The following PLAA variants were observed in gnomAD, a reference collection of about 807,000 sequenced individuals.
PLAA encodes phospholipase A-2-activating protein.
PLAA carries 48 observed loss-of-function variants against 84.1 expected under a neutral mutation model. The observed-to-expected ratio is 0.57, with a 90% CI of 0.45 to 0.73. The LOEUF (loss-of-function observed/expected upper bound fraction) is 0.73. PLAA is among the 30% of genes least tolerant of loss of function. The pLI is 0.00. For missense variants in PLAA, 903 were observed against 954.7 expected (o/e 0.95, Z 0.71); for synonymous variants, 392 against 336.6 (o/e 1.16, Z -1.80).
At chr9:26,941,004 T>C (rs960523505) in intron 1 of PLAA, among the ~76,000 whole-genome samples, 3 of 152,284 alleles carry the variant, frequency 2.0e-5, no homozygotes, top group African/African-American at 7.2e-5. Flanking sequence ...CATAGATGTT[T>C]GTGTGCATCT....
chr9:26,914,049 C>T (rs137902960), intron 10 of PLAA, 102 bp from the exon 11 acceptor site: 5 of 791,722 alleles, frequency 6.3e-6, no homozygotes, highest in East Asian at 5.0e-5. Context: ...TTCACAATGG[C>T]GTCATTATAT....
rs1002773903 is a variant in PLAA, at chr9:26,904,346, C to T, written c.*1165G>A. ...TCTTTCCCACTTTTGAAAATAGTTA[C>T]GCTTCTCTCAAGAAACTGGGTTACC... is the stretch of plus-strand genomic sequence containing the variant. On this transcript the variant is annotated 3_prime_UTR_variant, in exon 14 of 14. Transcript: ENST00000397292. The T allele has an allele frequency of 2.6e-5, 4 of 152,050 alleles. No homozygotes were observed. The highest frequency in any genetic ancestry group is 5.9e-5 in the Non-Finnish European group (4 of 67,974). The allele number at this position is 152,050 out of a possible 1,614,324, so 9.4% of individuals were successfully genotyped here.
chr9:26,913,861 GAAA>G lies in PLAA; in HGVS notation c.1555+15_1555+17del. 4.6e-6 allele frequency: 7 copies of G among 1,527,372 alleles called. No homozygotes were observed. The highest frequency in any genetic ancestry group is 6.2e-6 in the Non-Finnish European group (7 of 1,124,746). 94.6% of individuals were successfully genotyped at this position (1,527,372 alleles called of 1,614,324 possible). On this transcript the variant is annotated intron_variant, in intron 11 of 13. Coordinates refer to ENST00000397292, the MANE Select transcript of PLAA (RefSeq NM_001031689.3). ...TTTTAAAATCTAAAAAAAAGAAAAA[GAAA>G]TAAAAAGTATGTACCTGTAAATGGA...
chr9:26,933,425 C>G (rs1204102719), intron 2 of PLAA, among the ~76,000 whole-genome samples: 1 of 151,904 alleles, frequency 6.6e-6, no homozygotes, highest in East Asian at 1.9e-4. Flanking sequence ...GCACTCCAGC[C>G]TGGTGACAGA....
chr9:26,928,491 A>T (rs1022916464), intron 2 of PLAA, 83 bp from the exon 3 acceptor site: 16 of 953,302 alleles, frequency 1.7e-5, no homozygotes, highest in Non-Finnish European at 2.5e-5. Context: ...TTCCAATTTT[A>T]AAAACACTCT....
chr9:26,904,677 A>G lies in PLAA; in HGVS notation c.*834T>C, dbSNP rs1359454960. 6.6e-6 allele frequency: 1 copy of G among 152,198 alleles called. No homozygotes were observed. Among genetic ancestry groups the G allele is most frequent in the Non-Finnish European group, 1.5e-5 (1 of 68,014 alleles). The allele number at this position is 152,198 out of a possible 1,614,324, so 9.4% of individuals were successfully genotyped here. On this transcript the variant is annotated 3_prime_UTR_variant, in exon 14 of 14. Transcript: ENST00000397292. ...ATAGTAATTTCACATGACAGGTTCT[A>G]GACTTTCAAATAATACAGTTTGATG...
At chr9:26,922,484 T>A (rs901759763) in intron 7 of PLAA, among the ~76,000 whole-genome samples, 1 of 152,120 alleles carries the variant, frequency 6.6e-6, no homozygotes, top group African/African-American at 2.4e-5. Flanking sequence ...TTTGACCTCA[T>A]GGACATCCTG....
At chr9:26,911,439 C>T (rs1040151709) in intron 11 of PLAA, among the ~76,000 whole-genome samples, 2 of 152,146 alleles carry the variant, frequency 1.3e-5, no homozygotes, top group African/African-American at 2.4e-5. Flanking sequence ...GCATAAGCCA[C>T]CATGCCCAGC....
chr9:26,915,927 G>A (rs7863476), intron 10 of PLAA: 212,127 of 984,856 alleles, frequency 0.22, 26,095 homozygotes, highest in East Asian at 0.63. Flanking sequence ...ACTGCTGATA[G>A]AGAGAAAGCC....
At chr9:26,940,743 G>C (rs1474404054) in intron 1 of PLAA, among the ~76,000 whole-genome samples, 2 of 152,170 alleles carry the variant, frequency 1.3e-5, no homozygotes, top group African/African-American at 4.8e-5. Flanking sequence ...CAGGAACTAA[G>C]ATAAGAAAGA....
chr9:26,921,863 T>C (rs1824772734), intron 7 of PLAA, among the ~76,000 whole-genome samples: 1 of 152,242 alleles, frequency 6.6e-6, no homozygotes, highest in Admixed American at 6.5e-5. Flanking sequence ...TCAATACAAA[T>C]GGGAAGCTAC....
intron 1 of PLAA, among the ~76,000 whole-genome samples, chr9:26,937,097 C>T (rs1033733349): frequency 4.0e-5 from 6 of 151,838 alleles, no homozygotes; most frequent in African/African-American, 1.2e-4. Flanking sequence ...GCCAAGATTG[C>T]GCCATCGCAC....
intron 4 of PLAA, 37 bp from the exon 5 acceptor site, chr9:26,926,597 G>A (rs759748633): frequency 5.2e-6 from 8 of 1,525,326 alleles, no homozygotes; most frequent in Non-Finnish European, 7.2e-6. Context: ...CAATAAAACT[G>A]ATAATTTGGC....
rs201592379 is a variant in PLAA at position 26,934,902 on chromosome 9, G to C, written c.343+111C>G. ...AAAGCGTTTCCATTACCAAACCACA[G>C]ATATAGGTAAAACAAAATATAATAA... On this transcript the variant is annotated intron_variant, in intron 2 of 13. Transcript: ENST00000397292. The C allele has an allele frequency of 7.9e-5, 63 of 793,914 alleles. No homozygotes were observed. In the East Asian group the frequency reaches 1.8e-3, roughly 22 times the overall value. 49.2% of individuals were successfully genotyped at this position (793,914 alleles called of 1,614,324 possible).
At chr9:26,929,667 G>T (rs1825106157) in intron 2 of PLAA, among the ~76,000 whole-genome samples, 1 of 152,152 alleles carries the variant, frequency 6.6e-6, no homozygotes, top group South Asian at 2.1e-4. Context: ...AATGGCTCTA[G>T]ATCAAAAACT....
At position 26,913,403 on chromosome 9, in the gene PLAA, CA is replaced by C. The variant is rs1192487559; in HGVS notation, c.1555+475del. 2.0e-5 allele frequency among the ~76,000 whole-genome samples: 3 copies of C among 152,112 alleles called. No homozygotes were observed. The East Asian group carries it at 5.8e-4, about 29-fold the overall frequency. On this transcript the variant is annotated intron_variant, in intron 11 of 13. Coordinates refer to ENST00000397292, the MANE Select transcript of PLAA (RefSeq NM_001031689.3). Reference sequence around the variant, plus strand: ...CTATAGCTATTCCAGGCATAAATCACAGAAGCAAATTCTTTCCTGAGTCTTC... The same window carrying C: ...CTATAGCTATTCCAGGCATAAATCACGAAGCAAATTCTTTCCTGAGTCTTC...
chr9:26,930,831 CCTCGGCCTCCCAA>C (rs1374660611), intron 2 of PLAA, among the ~76,000 whole-genome samples: 1 of 151,858 alleles, frequency 6.6e-6, no homozygotes, highest in Admixed American at 6.6e-5. Context: ...GATCCACCCA[CCTCGGCCTCCCAA>C]AGTGCTGGGA....
intron 4 of PLAA, 51 bp from the exon 5 acceptor site, chr9:26,926,611 T>C (rs1170702026): frequency 2.9e-6 from 4 of 1,366,300 alleles, no homozygotes; most frequent in East Asian, 2.3e-5. Flanking sequence ...ATTTGGCTGA[T>C]GGCTCTATAC....
intron 1 of PLAA, among the ~76,000 whole-genome samples, chr9:26,939,928 A>G: frequency 6.6e-6 from 1 of 152,196 alleles, no homozygotes. Context: ...AGATAGTTCT[A>G]CAATAATAGT....
Sources: allele counts gnomAD v4.1 joint callset (sites outside exome capture counted in the v4.1 genomes callset), GRCh38; gene constraint gnomAD v4.1.1; transcripts MANE v1.5; gene names NCBI Gene and HGNC (gene_info 2026-07-23, HGNC 2026-07-21).